The following PTPRT variants were observed in gnomAD, a reference collection of about 807,000 sequenced individuals.
The protein encoded by PTPRT is protein tyrosine phosphatase receptor type T, also known as receptor-type tyrosine-protein phosphatase T.
A neutral mutation model predicts 176.8 loss-of-function variants in PTPRT; 56 were observed. The observed-to-expected ratio is 0.32, with a 90% CI of 0.26 to 0.40. The LOEUF is 0.40. Ranked by LOEUF, PTPRT falls within the 10% of genes least tolerant of loss-of-function variation. PTPRT has a pLI of 1.00. For missense variants in PTPRT, 1,540 were observed against 1,908.2 expected (o/e 0.81, Z 3.60); for synonymous variants, 783 against 739.0 (o/e 1.06, Z -0.96).
intron 16 of PTPRT, among the ~76,000 whole-genome samples, chr20:42,197,687 G>A (rs1335766814): frequency 6.6e-6 from 1 of 151,724 alleles, no homozygotes; most frequent in Non-Finnish European, 1.5e-5. Flanking sequence ...GTGTCATGAT[G>A]TCTGCAACTT....
intron 16 of PTPRT, among the ~76,000 whole-genome samples, chr20:42,174,134 AC>A (rs1490842765): frequency 6.6e-6 from 1 of 152,214 alleles, no homozygotes; most frequent in East Asian, 1.9e-4. Context: ...TTGGAAAGTT[AC>A]TTCATGCTTT....
chr20:42,164,779 G>A (rs558591985), intron 16 of PTPRT, among the ~76,000 whole-genome samples: 1 of 152,250 alleles, frequency 6.6e-6, no homozygotes, highest in African/African-American at 2.4e-5. Context: ...ACTAATGTGC[G>A]ATTCTGCTGC....
At chr20:43,102,307 C>T (rs1568786400) in intron 1 of PTPRT, among the ~76,000 whole-genome samples, 1 of 151,798 alleles carries the variant, frequency 6.6e-6, no homozygotes, top group East Asian at 1.9e-4. Context: ...CACACACACA[C>T]ACACACACAC....
At chr20:42,412,166 T>C (rs947352640) in intron 9 of PTPRT, among the ~76,000 whole-genome samples, 3 of 152,154 alleles carry the variant, frequency 2.0e-5, no homozygotes, top group Non-Finnish European at 4.4e-5. Flanking sequence ...CACACAAATG[T>C]GATAAATGAT....
chr20:42,214,446 C>T (rs1051686991), intron 15 of PTPRT, among the ~76,000 whole-genome samples: 1 of 152,184 alleles, frequency 6.6e-6, no homozygotes, highest in South Asian at 2.1e-4. Flanking sequence ...TTCCCTCCTG[C>T]CCCATCACCC....
intron 24 of PTPRT, among the ~76,000 whole-genome samples, chr20:42,105,553 AC>A (rs1337590211): frequency 6.6e-6 from 1 of 152,190 alleles, no homozygotes; most frequent in Non-Finnish European, 1.5e-5. Context: ...TTGTTGAGTG[AC>A]TTTTTCTGCA....
chr20:43,164,866 T>C (rs1196249946), intron 1 of PTPRT, among the ~76,000 whole-genome samples: 3 of 152,196 alleles, frequency 2.0e-5, no homozygotes. Flanking sequence ...TGTAAAAACC[T>C]TTCTTAGTTC....
chr20:43,030,723 G>A (rs1233624676), intron 1 of PTPRT, among the ~76,000 whole-genome samples: 1 of 152,208 alleles, frequency 6.6e-6, no homozygotes, highest in Admixed American at 6.5e-5. Context: ...AGGGGAATGA[G>A]GTGGTCTTCC....
chr20:42,658,937 G>A (rs2075173490), intron 7 of PTPRT, among the ~76,000 whole-genome samples: 1 of 152,078 alleles, frequency 6.6e-6, no homozygotes, highest in Non-Finnish European at 1.5e-5. Context: ...GTTTTGTCCA[G>A]GGAGATATAT....
chr20:42,043,178 C>A, the PTPRT span, among the ~76,000 whole-genome samples: 1 of 152,214 alleles, frequency 6.6e-6, no homozygotes, highest in Non-Finnish European at 1.5e-5. Context: ...TATTTCAAAG[C>A]TTTCCCAAGA....
intron 9 of PTPRT, among the ~76,000 whole-genome samples, chr20:42,364,704 G>A (rs983830898): frequency 6.6e-6 from 1 of 152,144 alleles, no homozygotes; most frequent in Non-Finnish European, 1.5e-5. Context: ...GGTCATCTGG[G>A]GACTCTACGT....
At chr20:42,453,670 TTTTC>T (rs1275309860) in intron 8 of PTPRT, among the ~76,000 whole-genome samples, 2 of 108,586 alleles carry the variant, frequency 1.8e-5, no homozygotes, top group African/African-American at 4.8e-5. Flanking sequence ...TTTCTTTTTC[TTTTC>T]TTTTTTTTTT....
At chr20:42,478,086 T>C (rs543451837) in intron 7 of PTPRT, among the ~76,000 whole-genome samples, 2 of 152,166 alleles carry the variant, frequency 1.3e-5, no homozygotes, top group Non-Finnish European at 2.9e-5. Context: ...TGAGTGGCCG[T>C]TGGCCTAAGG....
chr20:42,867,728 C>T (rs1362449503), intron 2 of PTPRT, among the ~76,000 whole-genome samples: 1 of 140,336 alleles, frequency 7.1e-6, no homozygotes, highest in African/African-American at 2.8e-5. Flanking sequence ...GTCACCCAGG[C>T]TGGAGTCCAG....
In PTPRT at chr20:42,106,758, C is replaced by CCAA. The variant is rs776371660; in HGVS notation, c.3390+25_3390+27dup. 3 of 1,606,562 alleles carry CCAA rather than the reference C, an allele frequency of 1.9e-6. No homozygotes were observed. In the South Asian group the frequency reaches 3.3e-5, roughly 18 times the overall value. ...TCTCCTTGGTCAGGGCTACAGGTGG[C>CCAA]CAACTGTCTTGGCCCCCTAGGACTC... On this transcript the variant is annotated intron_variant, in intron 24 of 30. Coordinates refer to ENST00000373187, the MANE Select transcript of PTPRT (RefSeq NM_007050.6).
chr20:42,447,940 C>A (rs1023599954), intron 9 of PTPRT, among the ~76,000 whole-genome samples: 18 of 152,164 alleles, frequency 1.2e-4, no homozygotes, highest in Non-Finnish European at 2.5e-4. Flanking sequence ...CACATAAGAA[C>A]AATCTGACTC....
chr20:43,167,893 C>T (rs1164311462), intron 1 of PTPRT, among the ~76,000 whole-genome samples: 1 of 152,206 alleles, frequency 6.6e-6, no homozygotes. Context: ...CACCCCTGGC[C>T]AACACCTTGA....
chr20:42,785,941 A>G (rs2077283207), intron 3 of PTPRT, among the ~76,000 whole-genome samples: 2 of 152,114 alleles, frequency 1.3e-5, no homozygotes, highest in South Asian at 2.1e-4. Context: ...TGTAATCCCC[A>G]TAATCCCTAC....
At chr20:42,429,730 A>G (rs1351254930) in intron 9 of PTPRT, among the ~76,000 whole-genome samples, 1 of 152,226 alleles carries the variant, frequency 6.6e-6, no homozygotes, top group African/African-American at 2.4e-5. Context: ...GAAATCCACA[A>G]TCACAGTATG....
Sources: allele counts gnomAD v4.1 joint callset (sites outside exome capture counted in the v4.1 genomes callset), GRCh38; gene constraint gnomAD v4.1.1; transcripts MANE v1.5; gene names NCBI Gene and HGNC (gene_info 2026-07-23, HGNC 2026-07-21).